The following PRELID3A variants were observed in gnomAD, a reference collection of about 807,000 sequenced individuals.
PRELID3A encodes the protein PRELI domain containing protein 3A.
PRELID3A carries 27 observed loss-of-function variants against 23.0 expected under a neutral mutation model. The observed-to-expected ratio is 1.17, with a 90% confidence interval of 0.87 to 1.62. PRELID3A has a LOEUF of 1.62. Ranked by LOEUF, PRELID3A falls within the 40% of genes most tolerant of loss-of-function variation. The pLI is 0.00. For missense variants in PRELID3A, 231 were observed against 231.4 expected, an observed-to-expected ratio of 1.00 and a Z score of 0.01; for synonymous variants, 87 against 86.4, an observed-to-expected ratio of 1.01 and a Z score of -0.04.
intron 4 of PRELID3A, 44 bp from the exon 5 acceptor site, chr18:12,427,173 CCTCT>C: frequency 1.2e-6 from 2 of 1,600,594 alleles, no homozygotes; most frequent in Non-Finnish European, 1.7e-6. Context: ...GGCAGACCCT[CCTCT>C]CTCTCAGGGC....
chr18:12,428,435 C>T (rs930372162), intron 5 of PRELID3A, among the ~76,000 whole-genome samples: 1 of 152,200 alleles, frequency 6.6e-6, no homozygotes, highest in African/African-American at 2.4e-5. Context: ...CCTTTCCTCC[C>T]TCTTTCTCTT....
chr18:12,415,084 A>G (rs1383756509), intron 1 of PRELID3A, among the ~76,000 whole-genome samples: 1 of 151,906 alleles, frequency 6.6e-6, no homozygotes, highest in Non-Finnish European at 1.5e-5. Flanking sequence ...GCGAGCTACC[A>G]CACCTGGCTA....
chr18:12,407,985 T>C lies in PRELID3A; in HGVS notation c.10T>C (p.Trp4Arg). Residue 4 changes from tryptophan to arginine, a missense_variant, in exon 1 of 7, where the codon TGG (tryptophan) becomes CGG (arginine). Transcript: ENST00000440960. ...CCCTGCGCCGGCGGCAATGAAGATC[T>C]GGAGCTCGGAGCACGTGTTTGGGTG... MKI[W>R]SSEHVFGHPW... 7.7e-7 allele frequency: 1 copy of C among 1,299,396 alleles called. No homozygotes were observed. Among genetic ancestry groups the C allele is most frequent in the South Asian group, 2.5e-5 (1 of 40,594 alleles). 80.5% of individuals were successfully genotyped at this position (1,299,396 alleles called of 1,614,324 possible).
chr18:12,414,772 T>C (rs866798372), intron 1 of PRELID3A, among the ~76,000 whole-genome samples: 1 of 143,016 alleles, frequency 7.0e-6, no homozygotes, highest in Middle Eastern at 3.5e-3. Context: ...AGGTCAGTCA[T>C]GTCTCAGTAG....
In PRELID3A at chr18:12,420,490, A is replaced by AAC; in HGVS notation, c.198_199insAC (p.Ala67ThrfsTer10). ...AGTGGGGGCTGCCCAGCCTCGTGAGAGCGGTGAGCGGGGCGGGGGCTGCGG... is the reference window on the plus strand; with the variant it reads ...AGTGGGGGCTGCCCAGCCTCGTGAGAACGCGGTGAGCGGGGCGGGGGCTGCGG... On this transcript the variant is annotated frameshift_variant, in exon 2 of 7. Transcript: ENST00000440960. LOFTEE classifies it high-confidence loss of function. The AAC allele has an allele frequency of 6.5e-7, 1 of 1,533,076 alleles. No homozygotes were observed. The highest frequency in any genetic ancestry group is 8.8e-7 in the Non-Finnish European group (1 of 1,138,730). 95.0% of individuals were successfully genotyped at this position (1,533,076 alleles called of 1,614,324 possible). A position where few individuals can be genotyped will look rare whatever the true frequency, so the allele number is the denominator to read the frequency against.
rs369585767 is a variant in PRELID3A, at chr18:12,422,984, G to C, written c.291+1355G>C. Reference sequence around the variant, plus strand: ...CAGTGCTAGGGATGGGGAATGCAAGGATTAAGATATTTCCTCCTGACTGGC... The same window carrying C: ...CAGTGCTAGGGATGGGGAATGCAAGCATTAAGATATTTCCTCCTGACTGGC... On this transcript the variant is annotated intron_variant, in intron 3 of 6. Coordinates refer to ENST00000440960, the MANE Select transcript of PRELID3A (RefSeq NM_001142405.2). Among the ~76,000 whole-genome samples the C allele has an allele frequency of 2.0e-5, 3 of 152,266 alleles. No homozygotes were observed. The East Asian group carries it at 5.8e-4, about 29-fold the overall frequency.
chr18:12,411,845 C>T (rs960451472), intron 1 of PRELID3A, among the ~76,000 whole-genome samples: 3 of 151,754 alleles, frequency 2.0e-5, no homozygotes, highest in Non-Finnish European at 4.4e-5. Context: ...CTGAGGGGGT[C>T]TATATTCCAG....
intron 1 of PRELID3A, among the ~76,000 whole-genome samples, chr18:12,414,333 C>A (rs1035898731): frequency 6.6e-6 from 1 of 152,228 alleles, no homozygotes; most frequent in African/African-American, 2.4e-5. Context: ...ACTGCGGTGA[C>A]CACATGCAAT....
Position 12,407,931 on chromosome 18 carries a change from A to C in PRELID3A, c.-45A>C. 4.7e-6 allele frequency: 6 copies of C among 1,278,256 alleles called. No homozygotes were observed. The highest frequency in any genetic ancestry group is 5.9e-6 in the Non-Finnish European group (6 of 1,015,712). The allele number at this position is 1,278,256 out of a possible 1,614,324, so 79.2% of individuals were successfully genotyped here. ...CCGCGCCCGGAGCCGCGCGGCCCGA[A>C]GCACCCGGCCCGGATCGCAGAGCCC... On this transcript the variant is annotated 5_prime_UTR_variant, in exon 1 of 7. Coordinates refer to ENST00000440960, the MANE Select transcript of PRELID3A (RefSeq NM_001142405.2).
In PRELID3A at chr18:12,420,328, C is replaced by G; in HGVS notation, c.36C>G (p.His12Gln). The G allele has an allele frequency of 6.2e-7, 1 of 1,607,326 alleles. No individual in the cohort carries two copies. The highest frequency in any genetic ancestry group is 2.2e-5 in the East Asian group (1 of 44,622). The change falls in exon 2 of 7, where the codon CAC becomes CAG. Residue 12 changes from histidine (H) to glutamine (Q), a missense_variant. By Grantham distance (24) the His-to-Gln change is conservative. Transcript: ENST00000440960. ...GCCGCCTATGCTCTCCCCGCAGCCACCCGTGGGACACGGTCATCCAGGCGG... is the reference window on the plus strand; with the variant it reads ...GCCGCCTATGCTCTCCCCGCAGCCAGCCGTGGGACACGGTCATCCAGGCGG... ...KIWSSEHVFG[H>Q]PWDTVIQAAM...
chr18:12,429,491 G>C (rs990191620), intron 6 of PRELID3A, 55 bp downstream of exon 6: 9 of 1,185,800 alleles, frequency 7.6e-6, no homozygotes, highest in Non-Finnish European at 3.7e-6. Context: ...TGTGACCCGT[G>C]TGCATGGTGC....
intron 3 of PRELID3A, among the ~76,000 whole-genome samples, chr18:12,424,749 G>C (rs140384592): frequency 3.9e-4 from 59 of 152,212 alleles, no homozygotes; most frequent in African/African-American, 1.3e-3. Context: ...TTGGCATTTT[G>C]AGAAGAGGGT....
chr18:12,430,995 T>C (rs1422705356), intron 6 of PRELID3A, among the ~76,000 whole-genome samples, 155 bp from the exon 7 acceptor site: 1 of 151,628 alleles, frequency 6.6e-6, no homozygotes, highest in Non-Finnish European at 1.5e-5. Flanking sequence ...GTGTAATGTG[T>C]ATGTGTGATG....
rs2030596982 is a variant in PRELID3A, at chr18:12,431,439, C to A, written c.*323C>A. ...CGTCCTGCCTGCCGCAGTGGCCCAG[C>A]CCCTTCTCTCCCTGCAGGTGACCCG... On this transcript the variant is annotated 3_prime_UTR_variant, in exon 7 of 7. Coordinates refer to ENST00000440960, the MANE Select transcript of PRELID3A (RefSeq NM_001142405.2). 1 of 152,150 alleles carries A rather than the reference C, an allele frequency of 6.6e-6. No individual in the cohort carries two copies. 9.4% of individuals were successfully genotyped at this position (152,150 alleles called of 1,614,324 possible). A position where few individuals can be genotyped will look rare whatever the true frequency, so the allele number is the denominator to read the frequency against.
At chr18:12,429,556 G>A (rs918743516) in intron 6 of PRELID3A, 120 bp downstream of exon 6, 6 of 609,818 alleles carry the variant, frequency 9.8e-6, no homozygotes, top group East Asian at 2.9e-5. Flanking sequence ...CCAGCCCGGA[G>A]CTCCTTAGTT....
intron 2 of PRELID3A, chr18:12,421,147 G>A: frequency 5.3e-6 from 1 of 189,080 alleles, no homozygotes; most frequent in East Asian, 1.6e-4. Flanking sequence ...AGGCCTCTCA[G>A]TCAGCCCAGC....
At chr18:12,423,479 G>C (rs1057126532) in intron 3 of PRELID3A, among the ~76,000 whole-genome samples, 1 of 152,170 alleles carries the variant, frequency 6.6e-6, no homozygotes, top group Non-Finnish European at 1.5e-5. Context: ...TAAGGAACAG[G>C]AGGCTCACGA....
intron 1 of PRELID3A, among the ~76,000 whole-genome samples, chr18:12,409,271 A>G (rs1010252064): frequency 2.1e-5 from 3 of 140,984 alleles, no homozygotes; most frequent in Admixed American, 1.6e-4. Flanking sequence ...GGTTCAAGTG[A>G]TTCTCGTGCC....
chr18:12,422,751 A>T (rs570691066), intron 3 of PRELID3A, among the ~76,000 whole-genome samples: 4 of 152,294 alleles, frequency 2.6e-5, no homozygotes, highest in African/African-American at 9.6e-5. Context: ...ATGCAAGAAC[A>T]TGTTGGGAAA....
Sources: allele counts gnomAD v4.1 joint callset (sites outside exome capture counted in the v4.1 genomes callset), GRCh38; gene constraint gnomAD v4.1.1; transcripts MANE v1.5; gene names NCBI Gene and HGNC (gene_info 2026-07-23, HGNC 2026-07-21).